The following LSAMP variants were observed in gnomAD, a reference collection of about 807,000 sequenced individuals.
The protein encoded by LSAMP is limbic system associated membrane protein, also known as limbic system-associated membrane protein.
Under a neutral mutation model 38.6 loss-of-function variants are expected in LSAMP, and 7 were observed. The observed-to-expected ratio is 0.18, with a 90% CI of 0.10 to 0.34. The LOEUF (loss-of-function observed/expected upper bound fraction) is 0.34. Ranked by LOEUF, LSAMP falls within the 10% of genes least tolerant of loss-of-function variation. The probability of loss-of-function intolerance (pLI) is 1.00; values close to 1 mark genes in which losing one functional copy is unlikely to be tolerated. For missense variants in LSAMP, 313 were observed against 420.0 expected (o/e 0.75, Z 2.23); for synonymous variants, 154 against 166.8 (o/e 0.92, Z 0.59).
At chr3:116,179,233 G>T (rs1345011583) in intron 1 of LSAMP, among the ~76,000 whole-genome samples, 1 of 152,116 alleles carries the variant, frequency 6.6e-6, no homozygotes, top group African/African-American at 2.4e-5. Flanking sequence ...AACCTTTGTA[G>T]ACATCTGGAA....
At chr3:116,161,474 A>T (rs1409961945) in intron 1 of LSAMP, among the ~76,000 whole-genome samples, 1 of 152,168 alleles carries the variant, frequency 6.6e-6, no homozygotes, top group Non-Finnish European at 1.5e-5. Context: ...AGCAGTGGGT[A>T]TGCCATTAGA....
At chr3:116,348,883 A>G (rs1484062926) in intron 1 of LSAMP, among the ~76,000 whole-genome samples, 5 of 152,152 alleles carry the variant, frequency 3.3e-5, no homozygotes, top group African/African-American at 1.2e-4. Flanking sequence ...TTACCTGGCC[A>G]AAGCTATTAC....
chr3:116,222,281 C>A (rs546769591), intron 1 of LSAMP, among the ~76,000 whole-genome samples: 5 of 148,234 alleles, frequency 3.4e-5, no homozygotes, highest in South Asian at 2.1e-4. Flanking sequence ...AAAAAAAAAA[C>A]CAAATCAATT....
At chr3:116,110,442 A>T (rs542740445) in intron 1 of LSAMP, among the ~76,000 whole-genome samples, 1 of 152,296 alleles carries the variant, frequency 6.6e-6, no homozygotes, top group African/African-American at 2.4e-5. Flanking sequence ...CATTGATTAA[A>T]CACCAAGGGA....
At chr3:115,865,592 C>A (rs1935835598) in intron 3 of LSAMP, among the ~76,000 whole-genome samples, 1 of 152,156 alleles carries the variant, frequency 6.6e-6, no homozygotes, top group Non-Finnish European at 1.5e-5. Context: ...AAACTGTGAT[C>A]CATGGACCAC....
chr3:116,314,878 A>G (rs1431400630), intron 1 of LSAMP, among the ~76,000 whole-genome samples: 1 of 152,214 alleles, frequency 6.6e-6, no homozygotes, highest in Non-Finnish European at 1.5e-5. Flanking sequence ...TGAGAATGCA[A>G]TATCAATTCT....
intron 3 of LSAMP, among the ~76,000 whole-genome samples, chr3:115,961,630 A>G (rs1033443254): frequency 1.3e-5 from 2 of 152,178 alleles, no homozygotes; most frequent in Non-Finnish European, 2.9e-5. Flanking sequence ...ACAGTTCCCC[A>G]ATCAATTCCC....
chr3:116,367,807 C>A (rs571947391), intron 1 of LSAMP: 1 of 151,968 alleles, frequency 6.6e-6, no homozygotes, highest in Admixed American at 6.6e-5. Context: ...CCATGCCTGG[C>A]CGGTTTTTCT....
intron 1 of LSAMP, among the ~76,000 whole-genome samples, chr3:116,375,198 G>T (rs1231436061): frequency 2.0e-5 from 3 of 151,844 alleles, no homozygotes; most frequent in Non-Finnish European, 4.4e-5. Context: ...GAGAAGAAAA[G>T]GTGGCTATTT....
At chr3:116,165,712 G>C (rs534935740) in intron 1 of LSAMP, among the ~76,000 whole-genome samples, 15 of 152,242 alleles carry the variant, frequency 9.9e-5, no homozygotes, top group African/African-American at 3.6e-4. Flanking sequence ...GTCTTAATGG[G>C]TTAGTTTTTC....
At position 116,105,754 on chromosome 3, in the gene LSAMP, G is replaced by C. The variant is rs539381386; in HGVS notation, c.156-19198C>G. Among the ~76,000 whole-genome samples the C allele has an allele frequency of 8.5e-5, 13 of 152,334 alleles. No homozygotes were observed. The South Asian group carries it at 2.5e-3, about 29-fold the overall frequency. ...TGGGCATATACGTGCAAGTCACAGGGGATGCGATGGCTTGGCTTGGGCTCA... is the reference window on the plus strand; with the variant it reads ...TGGGCATATACGTGCAAGTCACAGGCGATGCGATGGCTTGGCTTGGGCTCA... On this transcript the variant is annotated intron_variant, in intron 1 of 6. Coordinates refer to ENST00000490035, the MANE Select transcript of LSAMP (RefSeq NM_002338.5).
chr3:115,892,953 C>T (rs747339155), intron 3 of LSAMP, among the ~76,000 whole-genome samples: 2 of 151,652 alleles, frequency 1.3e-5, no homozygotes, highest in Admixed American at 6.6e-5. Flanking sequence ...GTATGTGAAG[C>T]TGTATGTGAA....
chr3:115,917,977 T>C lies in LSAMP; in HGVS notation c.515-65360A>G, dbSNP rs148863281. Among the ~76,000 whole-genome samples, 23 of 152,294 alleles carry C rather than the reference T, an allele frequency of 1.5e-4. No individual in the cohort carries two copies. In the East Asian group the frequency reaches 4.2e-3, roughly 28 times the overall value. On this transcript the variant is annotated intron_variant, in intron 3 of 6. Coordinates refer to ENST00000490035, the MANE Select transcript of LSAMP (RefSeq NM_002338.5). ...TTTCAAATTGAAACAGTCCTTAAAA[T>C]GCAAGTACCCTTCAGTTAAAGTTCC...
At chr3:116,224,086 A>C (rs937692635) in intron 1 of LSAMP, among the ~76,000 whole-genome samples, 5 of 152,126 alleles carry the variant, frequency 3.3e-5, no homozygotes, top group African/African-American at 1.2e-4. Context: ...GAGTATGTCA[A>C]ATTTAATTAG....
At chr3:116,113,418 A>T (rs1411173101) in intron 1 of LSAMP, among the ~76,000 whole-genome samples, 7,379 of 54,832 alleles carry the variant, frequency 0.13, 479 homozygotes, top group Non-Finnish European at 0.17. Flanking sequence ...ATATATATAT[A>T]TATTTTTTTT....
At chr3:116,346,384 A>C (rs1178619068) in intron 1 of LSAMP, among the ~76,000 whole-genome samples, 1 of 149,504 alleles carries the variant, frequency 6.7e-6, no homozygotes, top group Non-Finnish European at 1.5e-5. Flanking sequence ...GATGGAATGC[A>C]GTGGTACCAT....
chr3:116,193,017 A>T (rs1454073361), intron 1 of LSAMP, among the ~76,000 whole-genome samples: 1 of 152,220 alleles, frequency 6.6e-6, no homozygotes, highest in Non-Finnish European at 1.5e-5. Context: ...ACGGTAGATG[A>T]ATAGTTTCCT....
intron 1 of LSAMP, among the ~76,000 whole-genome samples, chr3:116,399,759 C>T (rs548630226): frequency 1.3e-5 from 2 of 152,308 alleles, no homozygotes; most frequent in East Asian, 1.9e-4. Flanking sequence ...TGAGCAAACG[C>T]TACTGACCAG....
intron 2 of LSAMP, among the ~76,000 whole-genome samples, chr3:116,052,099 C>G (rs186882418): frequency 5.2e-4 from 79 of 152,256 alleles, no homozygotes; most frequent in Non-Finnish European, 9.1e-4. Flanking sequence ...GGCCAGTGAT[C>G]CAAGTACTTC....
Sources: allele counts gnomAD v4.1 joint callset (sites outside exome capture counted in the v4.1 genomes callset), GRCh38; gene constraint gnomAD v4.1.1; transcripts MANE v1.5; gene names NCBI Gene and HGNC (gene_info 2026-07-23, HGNC 2026-07-21).